PDE6A: variants seen among roughly 807,000 people sequenced by gnomAD.
PDE6A encodes phosphodiesterase 6A.
A neutral mutation model predicts 106.3 loss-of-function variants in PDE6A; 84 were observed. That is an observed-to-expected ratio of 0.79 (90% CI 0.66 to 0.95). PDE6A has a LOEUF of 0.95. Ranked by LOEUF, PDE6A falls within the 40% of genes least tolerant of loss-of-function variation. The probability of loss-of-function intolerance (pLI) is 0.00; values close to 1 mark genes in which losing one functional copy is unlikely to be tolerated. For synonymous variants in PDE6A, 394 were observed against 386.6 expected (o/e 1.02, Z -0.23); for missense variants, 1,052 against 1,084.9 (o/e 0.97, Z 0.43).
chr5:149,867,156 T>G (rs1002901138), intron 19 of PDE6A: 4 of 190,494 alleles, frequency 2.1e-5, no homozygotes, highest in Non-Finnish European at 3.3e-5. Flanking sequence ...TACCCATCCT[T>G]TCCAAACCCT....
intron 1 of PDE6A, among the ~76,000 whole-genome samples, chr5:149,940,340 G>A (rs1754294280): frequency 6.6e-6 from 1 of 152,154 alleles, no homozygotes; most frequent in Non-Finnish European, 1.5e-5. Context: ...GAGTCCTCCG[G>A]AAAGTCTCCT....
intron 17 of PDE6A, among the ~76,000 whole-genome samples, chr5:149,882,807 C>T (rs1300819600): frequency 6.6e-6 from 1 of 152,164 alleles, no homozygotes; most frequent in Non-Finnish European, 1.5e-5. Context: ...CCTATAATCC[C>T]AGCACTTTGA....
At chr5:149,911,472 T>C (rs1441386863) in intron 6 of PDE6A, among the ~76,000 whole-genome samples, 1 of 152,210 alleles carries the variant, frequency 6.6e-6, no homozygotes, top group Non-Finnish European at 1.5e-5. Context: ...TTGAGATCTG[T>C]AGATGAAACT....
At chr5:149,876,589 G>A (rs181427822) in intron 17 of PDE6A, among the ~76,000 whole-genome samples, 18 of 151,984 alleles carry the variant, frequency 1.2e-4, no homozygotes, top group African/African-American at 2.7e-4. Flanking sequence ...TGCAAACTCC[G>A]CCTCCCCGGT....
Position 149,893,216 on chromosome 5 carries a change from T to C in PDE6A, c.1728+1967A>G, listed in dbSNP as rs574670027. The stretch of plus-strand genomic sequence containing the variant: ...AAAGGAAGACTGCTCTTGAACTCCA[T>C]TGGACGCGACCATACCAAGTTCTTC... On this transcript the variant is annotated intron_variant, in intron 13 of 21. Transcript: ENST00000255266. 7.4e-4 allele frequency among the ~76,000 whole-genome samples: 112 copies of C among 152,322 alleles called. No individual in the cohort carries two copies. In the South Asian group the frequency reaches 0.021, roughly 28 times the overall value.
intron 1 of PDE6A, 25 bp downstream of exon 1, chr5:149,944,175 C>G: frequency 6.4e-7 from 1 of 1,563,742 alleles, no homozygotes; most frequent in South Asian, 1.1e-5. Flanking sequence ...GCCCCATGCC[C>G]TCTCTCTCAT....
At chr5:149,861,817 T>C (rs1010716432) in intron 21 of PDE6A, among the ~76,000 whole-genome samples, 4 of 152,224 alleles carry the variant, frequency 2.6e-5, no homozygotes, top group African/African-American at 9.6e-5. Flanking sequence ...TGTATTTTTT[T>C]ATCTGAAGGC....
chr5:149,928,072 T>C (rs1245706342), intron 4 of PDE6A, among the ~76,000 whole-genome samples: 4 of 151,076 alleles, frequency 2.6e-5, no homozygotes, highest in Admixed American at 2.6e-4. Flanking sequence ...TTAACTTTTT[T>C]CTTTTTTAAT....
chr5:149,926,995 A>G (rs1297611685), intron 4 of PDE6A, among the ~76,000 whole-genome samples: 1 of 151,872 alleles, frequency 6.6e-6, no homozygotes, highest in Non-Finnish European at 1.5e-5. Context: ...AAAAAAAAAA[A>G]AAAGAGAGAG....
In PDE6A at chr5:149,923,551, AACATAACATAACATAACATAACATAAC is replaced by A. The variant is rs1200288818; in HGVS notation, c.859-1869_859-1843del. On this transcript the variant is annotated intron_variant, in intron 4 of 21. Coordinates refer to ENST00000255266, the MANE Select transcript of PDE6A (RefSeq NM_000440.3). ...AACATAACATAACATAACATAACAT[AACATAACATAACATAACATAACATAAC>A]AAACAACAACACTAAATAAAAGTGG... 2.0e-4 allele frequency among the ~76,000 whole-genome samples: 25 copies of A among 125,202 alleles called. No homozygotes were observed. The East Asian group carries it at 2.9e-3, about 14-fold the overall frequency. 82.1% of individuals were successfully genotyped at this position (125,202 alleles called of 152,430 possible).
chr5:149,884,614 T>C, intron 15 of PDE6A, 35 bp from the exon 16 acceptor site: 1 of 1,560,168 alleles, frequency 6.4e-7, no homozygotes, highest in Non-Finnish European at 8.8e-7. Context: ...TGGGAGAGAA[T>C]TGATGCTGGC....
Position 149,898,484 on chromosome 5 carries a change from C to A in PDE6A, c.1286G>T (p.Trp429Leu). The A allele has an allele frequency of 6.2e-7, 1 of 1,613,470 alleles. No homozygotes were observed. Among genetic ancestry groups the A allele is most frequent in the Non-Finnish European group, 8.5e-7 (1 of 1,179,892 alleles). Residue 429 changes from tryptophan (W) to leucine (L), a missense_variant, in exon 10 of 22, where the codon TGG (tryptophan) becomes TTG (leucine). Around this residue, in one of 3 missense-constraint regions of PDE6A, gnomAD observed 913 missense variants for 915.2 expected, o/e 1.00. Coordinates refer to ENST00000255266, the MANE Select transcript of PDE6A (RefSeq NM_000440.3). Reference protein sequence around the residue: ...LMESLTQFLGWSVLNPDTYES... With the variant: ...LMESLTQFLGLSVLNPDTYES... ...ATAGGTGTCAGGATTTAAGACAGAC[C>A]AGCCCAGAAATTGAGTCAAAGACTG...
At chr5:149,933,373 C>T (rs769331905) in intron 3 of PDE6A, among the ~76,000 whole-genome samples, 4 of 152,206 alleles carry the variant, frequency 2.6e-5, no homozygotes, top group Non-Finnish European at 4.4e-5. Context: ...AATCTTCCTG[C>T]CTTGGCCTCC....
intron 4 of PDE6A, 58 bp downstream of exon 4, chr5:149,930,970 G>T (rs368895976): frequency 4.5e-6 from 7 of 1,557,288 alleles, no homozygotes; most frequent in Non-Finnish European, 6.2e-6. Context: ...GACTCTAGCC[G>T]TCAGTCAGTG....
chr5:149,887,585 G>A (rs1331120550), intron 13 of PDE6A, among the ~76,000 whole-genome samples: 4 of 152,090 alleles, frequency 2.6e-5, no homozygotes, highest in African/African-American at 9.7e-5. Context: ...CATTTTGTAA[G>A]CTCCCCATTA....
At chr5:149,864,691 G>A (rs1333602581) in intron 20 of PDE6A, among the ~76,000 whole-genome samples, 3 of 152,024 alleles carry the variant, frequency 2.0e-5, no homozygotes. Flanking sequence ...CAGATTGATG[G>A]AGTGGATTTG....
At chr5:149,924,788 C>T (rs942823476) in intron 4 of PDE6A, among the ~76,000 whole-genome samples, 1 of 152,224 alleles carries the variant, frequency 6.6e-6, no homozygotes, top group Non-Finnish European at 1.5e-5. Context: ...AAACCTGACC[C>T]TTGATTCGAC....
rs569809443 is a variant in PDE6A at position 149,884,446 on chromosome 5, G to T, written c.2027+33C>A. On this transcript the variant is annotated intron_variant, in intron 16 of 21. Coordinates refer to ENST00000255266, the MANE Select transcript of PDE6A (RefSeq NM_000440.3). ...TATATGCATACATATAATCATTGTT[G>T]CTTTTACTATTAGAATGAGAAGATA... The T allele has an allele frequency of 2.2e-6, 3 of 1,335,422 alleles. No homozygotes were observed. In the South Asian group the frequency reaches 3.5e-5, roughly 16 times the overall value. The allele number at this position is 1,335,422 out of a possible 1,614,324, so 82.7% of individuals were successfully genotyped here.
At chr5:149,944,174 C>T in intron 1 of PDE6A, 26 bp downstream of exon 1, 2 of 1,557,010 alleles carry the variant, frequency 1.3e-6, no homozygotes, top group Admixed American at 1.7e-5. Context: ...TGCCCCATGC[C>T]CTCTCTCTCA....
Sources: allele counts gnomAD v4.1 joint callset (sites outside exome capture counted in the v4.1 genomes callset), GRCh38; gene constraint gnomAD v4.1.1; regional missense constraint gnomAD v4.1.1; transcripts MANE v1.5; gene names NCBI Gene and HGNC (gene_info 2026-07-23, HGNC 2026-07-21).